Variants in KITLG observed in about 807,000 individuals in gnomAD.
The protein encoded by KITLG is KIT ligand, also known as c-Kit ligand.
A neutral mutation model predicts 34.1 loss-of-function variants in KITLG; 13 were observed. That is an observed-to-expected ratio of 0.38 (90% CI 0.25 to 0.61). KITLG has a LOEUF of 0.61. Ranked by LOEUF, KITLG falls within the 20% of genes least tolerant of loss-of-function variation. The pLI, the probability that KITLG is intolerant of heterozygous loss-of-function variation, is 0.60. For missense variants in KITLG, 292 were observed against 318.9 expected (o/e 0.92, Z 0.64); for synonymous variants, 110 against 104.0 (o/e 1.06, Z -0.35).
chr12:88,506,777 T>C (rs1004792598), intron 7 of KITLG, among the ~76,000 whole-genome samples: 6 of 152,236 alleles, frequency 3.9e-5, no homozygotes, highest in Non-Finnish European at 7.3e-5. Context: ...ATGATTTTCG[T>C]CAGATCTTCC....
intron 1 of KITLG, among the ~76,000 whole-genome samples, chr12:88,546,572 C>T (rs997661431): frequency 1.3e-5 from 2 of 152,086 alleles, no homozygotes; most frequent in African/African-American, 4.8e-5. Flanking sequence ...TGCTTTTATG[C>T]ATGACTTATT....
chr12:88,517,281 TAA>T (rs1279068153), intron 4 of KITLG, among the ~76,000 whole-genome samples: 1 of 151,968 alleles, frequency 6.6e-6, no homozygotes, highest in Non-Finnish European at 1.5e-5. Context: ...TTAATTGATA[TAA>T]AATTAATATA....
At position 88,512,071 on chromosome 12, in the gene KITLG, T is replaced by A. The variant is rs145700468; in HGVS notation, c.604+3463A>T. On this transcript the variant is annotated intron_variant, in intron 6 of 9. Coordinates refer to ENST00000644744, the MANE Select transcript of KITLG (RefSeq NM_000899.5). ...TCAGAGAGGAAGAAGTCAATAGACA[T>A]CAACTCTGAGATGACCTATGTGTTG... is the stretch of plus-strand genomic sequence containing the variant. Among the ~76,000 whole-genome samples, 46 of 152,258 alleles carry A rather than the reference T, an allele frequency of 3.0e-4. No individual in the cohort carries two copies. In the East Asian group the frequency reaches 7.1e-3, roughly 24 times the overall value.
intron 9 of KITLG, among the ~76,000 whole-genome samples, chr12:88,499,657 G>A (rs1281583837): frequency 1.3e-5 from 2 of 152,090 alleles, no homozygotes; most frequent in Non-Finnish European, 1.5e-5. Context: ...TTCTTCTCCT[G>A]ATTTTCCATT....
rs891431307 is a variant in KITLG, at chr12:88,493,678, A to T, written c.*3541T>A. ...TTTGGCATTCAAAACCTTCATGAGC[A>T]TTTTACATTTTCTGCTCTTAGTTTT... On this transcript the variant is annotated 3_prime_UTR_variant, in exon 10 of 10. Transcript: ENST00000644744. The T allele has an allele frequency of 6.6e-6, 1 of 151,912 alleles. No homozygotes were observed. Among genetic ancestry groups the T allele is most frequent in the African/African-American group, 2.4e-5 (1 of 41,444 alleles). The allele number at this position is 151,912 out of a possible 1,614,324, so 9.4% of individuals were successfully genotyped here. A position where few individuals can be genotyped will look rare whatever the true frequency, so the allele number is the denominator to read the frequency against.
chr12:88,569,505 T>A (rs1345998175), intron 1 of KITLG, among the ~76,000 whole-genome samples: 3 of 152,218 alleles, frequency 2.0e-5, no homozygotes. Context: ...TGTTTAATGG[T>A]AATAGCAAGA....
intron 2 of KITLG, among the ~76,000 whole-genome samples, chr12:88,545,125 A>T (rs984958487): frequency 1.3e-5 from 2 of 152,184 alleles, no homozygotes; most frequent in Admixed American, 6.5e-5. Flanking sequence ...CTTGAGAGAA[A>T]GCATCTGGAG....
chr12:88,553,623 A>T (rs1293955431), intron 1 of KITLG, among the ~76,000 whole-genome samples: 1 of 152,130 alleles, frequency 6.6e-6, no homozygotes, highest in Non-Finnish European at 1.5e-5. Flanking sequence ...TTGTTTTCAG[A>T]AACATGCATC....
intron 2 of KITLG, among the ~76,000 whole-genome samples, chr12:88,539,296 T>C (rs575829582): frequency 1.3e-5 from 2 of 152,248 alleles, no homozygotes; most frequent in South Asian, 4.1e-4. Flanking sequence ...TAGTTATCTA[T>C]GACTCCCTTG....
At chr12:88,552,201 GTCTC>G (rs1870941293) in intron 1 of KITLG, among the ~76,000 whole-genome samples, 1 of 146,416 alleles carries the variant, frequency 6.8e-6, no homozygotes, top group South Asian at 2.2e-4. Context: ...TTTTGACAGA[GTCTC>G]TCTCTGTTGC....
Position 88,552,598 on chromosome 12 carries a change from T to C in KITLG, c.16-6733A>G, listed in dbSNP as rs1322189374. ...ATGAATGAAAGGTGTAGTGTAGTGA[T>C]GGTCAAGCTATTCCAAATGAGGAAA... On this transcript the variant is annotated intron_variant, in intron 1 of 9. Coordinates refer to ENST00000644744, the MANE Select transcript of KITLG (RefSeq NM_000899.5). Among the ~76,000 whole-genome samples, 6 of 152,324 alleles carry C rather than the reference T, an allele frequency of 3.9e-5. No individual in the cohort carries two copies. The South Asian group carries it at 8.3e-4, about 21-fold the overall frequency.
At chr12:88,575,082 C>T (rs1871785157) in intron 1 of KITLG, among the ~76,000 whole-genome samples, 1 of 152,146 alleles carries the variant, frequency 6.6e-6, no homozygotes, top group South Asian at 2.1e-4. Context: ...AGCTTAAATA[C>T]CATCTGGTTC....
chr12:88,539,323 C>T (rs1006047694), intron 2 of KITLG, among the ~76,000 whole-genome samples: 5 of 152,064 alleles, frequency 3.3e-5, no homozygotes, highest in African/African-American at 9.7e-5. Context: ...TTACAAAATG[C>T]TGTGCCTATG....
intron 3 of KITLG, among the ~76,000 whole-genome samples, chr12:88,526,153 G>A (rs1419017547): frequency 6.6e-6 from 1 of 152,136 alleles, no homozygotes; most frequent in African/African-American, 2.4e-5. Context: ...TGAACATTAG[G>A]TTCAGGAATC....
chr12:88,516,863 C>T (rs1182298777), intron 4 of KITLG, among the ~76,000 whole-genome samples: 2 of 149,314 alleles, frequency 1.3e-5, no homozygotes, highest in African/African-American at 4.9e-5. Context: ...AAAACCACAC[C>T]ATAATGCATG....
chr12:88,502,627 T>C (rs1342993402), intron 9 of KITLG, among the ~76,000 whole-genome samples: 4 of 152,234 alleles, frequency 2.6e-5, no homozygotes, highest in Admixed American at 1.3e-4. Context: ...TGTTTGACTA[T>C]GGTTGCTTTA....
At chr12:88,575,586 T>C (rs1418439740) in intron 1 of KITLG, among the ~76,000 whole-genome samples, 1 of 152,204 alleles carries the variant, frequency 6.6e-6, no homozygotes, top group Non-Finnish European at 1.5e-5. Flanking sequence ...ATTGTTTCTA[T>C]GAAACAGAGC....
At chr12:88,539,166 G>C (rs1592574161) in intron 2 of KITLG, among the ~76,000 whole-genome samples, 1 of 152,082 alleles carries the variant, frequency 6.6e-6, no homozygotes, top group Non-Finnish European at 1.5e-5. Context: ...TGGATCTCAT[G>C]GTTCAAGGGT....
intron 1 of KITLG, among the ~76,000 whole-genome samples, chr12:88,568,236 T>C (rs1271201925): frequency 6.6e-6 from 1 of 152,104 alleles, no homozygotes; most frequent in East Asian, 1.9e-4. Context: ...AGATACAATT[T>C]ATTGAGCATC....
Sources: gnomAD v4.1 joint callset for allele counts (sites outside exome capture counted in the v4.1 genomes callset) on GRCh38, gnomAD v4.1.1 for gene constraint, MANE v1.5 for transcripts, NCBI Gene and HGNC (gene_info 2026-07-23, HGNC 2026-07-21) for gene names.